The following UBE2E2 variants were observed in gnomAD, a reference collection of about 807,000 sequenced individuals.
UBE2E2 encodes the protein ubiquitin conjugating enzyme E2 E2, also known as ubiquitin-conjugating enzyme E2 E2.
A neutral mutation model predicts 24.7 loss-of-function variants in UBE2E2; 6 were observed. The ratio of observed to expected loss-of-function variants is 0.24; its 90% CI spans 0.13 to 0.48. The LOEUF (loss-of-function observed/expected upper bound fraction) is 0.48. Ranked by LOEUF, UBE2E2 falls within the 20% of genes least tolerant of loss-of-function variation. UBE2E2 has a pLI of 0.99. For synonymous variants in UBE2E2, 104 were observed against 83.6 expected, an observed-to-expected ratio of 1.24 and a Z score of -1.33; for missense variants, 169 against 245.0, an observed-to-expected ratio of 0.69 and a Z score of 2.07.
At chr3:23,458,722 T>A (rs1035021910) in intron 3 of UBE2E2, among the ~76,000 whole-genome samples, 1 of 152,086 alleles carries the variant, frequency 6.6e-6, no homozygotes, top group Non-Finnish European at 1.5e-5. Context: ...TGGCCAGAGA[T>A]CACTGTTCAC....
chr3:23,268,002 A>G (rs923018421), intron 3 of UBE2E2, among the ~76,000 whole-genome samples: 7 of 152,010 alleles, frequency 4.6e-5, no homozygotes, highest in Non-Finnish European at 7.4e-5. Flanking sequence ...ACAAAATTCA[A>G]CAACTCTTCA....
intron 3 of UBE2E2, among the ~76,000 whole-genome samples, chr3:23,494,400 A>G (rs1394380351): frequency 6.6e-6 from 1 of 152,240 alleles, no homozygotes; most frequent in African/African-American, 2.4e-5. Flanking sequence ...AATAGTAATT[A>G]TTAAAATTAT....
intron 5 of UBE2E2, among the ~76,000 whole-genome samples, chr3:23,548,287 T>C (rs182248121): frequency 5.8e-4 from 88 of 152,352 alleles, no homozygotes; most frequent in Non-Finnish European, 8.2e-4. Context: ...TTTACACATT[T>C]TTCTTACTCC....
At chr3:23,227,973 A>G (rs1442521406) in intron 3 of UBE2E2, among the ~76,000 whole-genome samples, 1 of 152,172 alleles carries the variant, frequency 6.6e-6, no homozygotes, top group Non-Finnish European at 1.5e-5. Context: ...GGTACAACCA[A>G]TATAGGGCTT....
intron 3 of UBE2E2, among the ~76,000 whole-genome samples, chr3:23,293,726 T>G (rs1698830978): frequency 6.6e-6 from 1 of 152,354 alleles, no homozygotes; most frequent in Non-Finnish European, 1.5e-5. Context: ...TCTCCATTTA[T>G]TTCGTCTTTA....
intron 3 of UBE2E2, among the ~76,000 whole-genome samples, chr3:23,436,848 T>G (rs1698196348): frequency 6.6e-6 from 1 of 152,196 alleles, no homozygotes; most frequent in Non-Finnish European, 1.5e-5. Flanking sequence ...CTGCATGCAG[T>G]TACACCCACC....
chr3:23,530,160 G>C (rs965671739), intron 4 of UBE2E2, among the ~76,000 whole-genome samples: 1 of 152,234 alleles, frequency 6.6e-6, no homozygotes, highest in Admixed American at 6.5e-5. Flanking sequence ...AATATGTAAA[G>C]CTTCTTTTGT....
At chr3:23,214,931 T>C (rs1044276901) in intron 2 of UBE2E2, among the ~76,000 whole-genome samples, 14 of 152,268 alleles carry the variant, frequency 9.2e-5, no homozygotes, top group Middle Eastern at 3.4e-3. Flanking sequence ...AATACACTTA[T>C]TTCTCATTGA....
chr3:23,461,503 A>T (rs1698804247), intron 3 of UBE2E2, among the ~76,000 whole-genome samples: 1 of 152,192 alleles, frequency 6.6e-6, no homozygotes, highest in African/African-American at 2.4e-5. Flanking sequence ...CATATTAGGA[A>T]ATTATGTTAA....
chr3:23,501,766 C>T (rs1699725230), intron 4 of UBE2E2, among the ~76,000 whole-genome samples: 1 of 152,154 alleles, frequency 6.6e-6, no homozygotes, highest in African/African-American at 2.4e-5. Context: ...GGACAGTCAA[C>T]TTGTGTGTAG....
chr3:23,404,153 C>CAT lies in UBE2E2; in HGVS notation c.228-95452_228-95451dup, dbSNP rs571857759. 4.6e-5 allele frequency among the ~76,000 whole-genome samples: 7 copies of CAT among 152,218 alleles called. No homozygotes were observed. The South Asian group carries it at 1.5e-3, about 32-fold the overall frequency. ...TGGATTACACACTCACACACACACA[C>CAT]ATATGTACACATTCATAGTAATAAA... is the stretch of plus-strand genomic sequence containing the variant. On this transcript the variant is annotated intron_variant, in intron 3 of 5. Transcript: ENST00000396703.
intron 3 of UBE2E2, among the ~76,000 whole-genome samples, chr3:23,457,172 A>G (rs1698697612): frequency 6.6e-6 from 1 of 152,258 alleles, no homozygotes; most frequent in African/African-American, 2.4e-5. Flanking sequence ...GCTTCTATAT[A>G]TGCTGCGTGT....
chr3:23,297,425 G>C (rs1297381157), intron 3 of UBE2E2, among the ~76,000 whole-genome samples: 1 of 151,974 alleles, frequency 6.6e-6, no homozygotes, highest in Non-Finnish European at 1.5e-5. Flanking sequence ...TTTTCCTCTA[G>C]GGTTTTTATG....
At chr3:23,580,220 C>G (rs1696444267) in intron 5 of UBE2E2, among the ~76,000 whole-genome samples, 1 of 152,220 alleles carries the variant, frequency 6.6e-6, no homozygotes, top group African/African-American at 2.4e-5. Context: ...GAAAGAAGTT[C>G]TGTAAGTGAA....
chr3:23,431,884 C>A (rs1292220040), intron 3 of UBE2E2, among the ~76,000 whole-genome samples: 1 of 152,044 alleles, frequency 6.6e-6, no homozygotes, highest in Non-Finnish European at 1.5e-5. Flanking sequence ...CCAACTTGGC[C>A]CACATACTGT....
chr3:23,325,153 T>A (rs1024148455), intron 3 of UBE2E2, among the ~76,000 whole-genome samples: 6 of 152,086 alleles, frequency 3.9e-5, no homozygotes. Context: ...TTTTGATCAG[T>A]AAGAAACAAT....
intron 5 of UBE2E2, among the ~76,000 whole-genome samples, chr3:23,560,204 TC>T (rs1380358485): frequency 7.9e-6 from 1 of 125,898 alleles, no homozygotes; most frequent in South Asian, 3.0e-4. Context: ...ATGCTATACC[TC>T]CCCCCTCCCC....
intron 3 of UBE2E2, among the ~76,000 whole-genome samples, chr3:23,217,992 G>C (rs1403165300): frequency 6.6e-6 from 1 of 152,068 alleles, no homozygotes; most frequent in Non-Finnish European, 1.5e-5. Context: ...GAAGATGGCT[G>C]TTTGGTTATT....
At chr3:23,463,474 C>T (rs965542390) in intron 3 of UBE2E2, among the ~76,000 whole-genome samples, 2 of 152,018 alleles carry the variant, frequency 1.3e-5, no homozygotes, top group African/African-American at 4.8e-5. Context: ...ATATTGACTC[C>T]TAGTAACTAG....
Sources: gnomAD v4.1 joint callset for allele counts (sites outside exome capture counted in the v4.1 genomes callset) on GRCh38, gnomAD v4.1.1 for gene constraint, MANE v1.5 for transcripts, NCBI Gene and HGNC (gene_info 2026-07-23, HGNC 2026-07-21) for gene names.